The following SAXO1 variants were observed in gnomAD, a reference collection of about 807,000 sequenced individuals.
SAXO1 encodes stabilizer of axonemal microtubules 1, also known as 4930500O09Rik.
SAXO1 carries 21 observed loss-of-function variants against 17.5 expected under a neutral mutation model. That is an observed-to-expected ratio of 1.20 (90% CI 0.85 to 1.72). The LOEUF is 1.72. Among genes scored for constraint, SAXO1 ranks in the 40% most tolerant of loss-of-function variants. The pLI, the probability that SAXO1 is intolerant of heterozygous loss-of-function variation, is 0.00. For missense variants in SAXO1, 843 were observed against 596.0 expected (o/e 1.41, Z -4.32); for synonymous variants, 274 against 216.5 (o/e 1.27, Z -2.33).
In SAXO1 at chr9:18,928,225, C is replaced by A. The variant is rs1588387218; in HGVS notation, c.1252G>T (p.Gly418Cys). 1 of 1,614,078 alleles carries A rather than the reference C, an allele frequency of 6.2e-7. No homozygotes were observed. Among genetic ancestry groups the A allele is most frequent in the Admixed American group, 1.7e-5 (1 of 60,020 alleles). ...YTISFTPKEM[G>C]RCLASYPEPP... The stretch of plus-strand genomic sequence containing the variant: ...TCAGGATATGAAGCTAGGCACCTGC[C>A]CATTTCCTTGGGAGTAAAGCTGATG... The change falls in exon 4 of 4, where the codon GGC becomes TGC. Residue 418 changes from glycine (G) to cysteine (C), a missense_variant. Transcript: ENST00000380534.
intron 3 of SAXO1, among the ~76,000 whole-genome samples, chr9:18,929,848 C>A (rs752586159): frequency 6.6e-6 from 1 of 152,204 alleles, no homozygotes; most frequent in East Asian, 1.9e-4. Flanking sequence ...CCAGAGCCCA[C>A]GATCTGACCC....
At chr9:18,984,482 A>T (rs1287870610) in intron 1 of SAXO1, among the ~76,000 whole-genome samples, 3 of 152,200 alleles carry the variant, frequency 2.0e-5, no homozygotes, top group African/African-American at 7.2e-5. Context: ...TCTTAGCTAG[A>T]TTTTCCGGAT....
chr9:19,015,356 G>T (rs528487823), intron 1 of SAXO1, among the ~76,000 whole-genome samples: 124 of 151,898 alleles, frequency 8.2e-4, no homozygotes, highest in Non-Finnish European at 1.5e-3. Flanking sequence ...GTTATTTTTT[G>T]TTTTTGAGAC....
chr9:19,026,668 G>A (rs1835484887), intron 1 of SAXO1, among the ~76,000 whole-genome samples: 2 of 152,164 alleles, frequency 1.3e-5, no homozygotes, highest in African/African-American at 4.8e-5. Flanking sequence ...CCCACAGTAA[G>A]ATAATAATAT....
intron 1 of SAXO1, among the ~76,000 whole-genome samples, chr9:18,956,730 T>C (rs146409636): frequency 1.3e-5 from 2 of 152,332 alleles, no homozygotes; most frequent in Non-Finnish European, 2.9e-5. Context: ...GTACTGGAAT[T>C]CAAATGCCTA....
intron 1 of SAXO1, among the ~76,000 whole-genome samples, chr9:19,020,465 C>T (rs1480064533): frequency 2.0e-5 from 3 of 152,106 alleles, no homozygotes; most frequent in Non-Finnish European, 4.4e-5. Context: ...CATCCTCCCA[C>T]CTCAGCATCC....
At chr9:18,998,240 C>T (rs992462980) in intron 1 of SAXO1, among the ~76,000 whole-genome samples, 4 of 152,040 alleles carry the variant, frequency 2.6e-5, no homozygotes, top group Non-Finnish European at 4.4e-5. Context: ...GAATGGCTAA[C>T]TAGAATAACC....
chr9:18,992,170 G>C (rs1451482738), intron 1 of SAXO1, among the ~76,000 whole-genome samples: 2 of 152,184 alleles, frequency 1.3e-5, no homozygotes, highest in African/African-American at 4.8e-5. Flanking sequence ...TCCTGGGGCT[G>C]CCATAACAAA....
intron 1 of SAXO1, among the ~76,000 whole-genome samples, chr9:18,982,903 G>A (rs2131823958): frequency 6.6e-6 from 1 of 152,280 alleles, no homozygotes; most frequent in South Asian, 2.1e-4. Context: ...AAGTATTTAT[G>A]CTACAAGGTA....
intron 1 of SAXO1, among the ~76,000 whole-genome samples, chr9:19,046,320 A>G (rs1301432821): frequency 6.6e-6 from 1 of 152,164 alleles, no homozygotes; most frequent in Non-Finnish European, 1.5e-5. Flanking sequence ...AGAGTTGGAA[A>G]ATTAGGATGA....
At chr9:18,933,994 C>T (rs1304824927) in intron 3 of SAXO1, among the ~76,000 whole-genome samples, 3 of 152,082 alleles carry the variant, frequency 2.0e-5, no homozygotes, top group African/African-American at 7.2e-5. Context: ...TGCAGTGAGC[C>T]GAGATTGCAG....
chr9:18,932,669 C>G (rs1262901349), intron 3 of SAXO1, among the ~76,000 whole-genome samples: 2 of 152,194 alleles, frequency 1.3e-5, no homozygotes, highest in Admixed American at 6.5e-5. Flanking sequence ...TCCATGAACA[C>G]AGAATGTCCA....
At chr9:18,959,968 G>C (rs117744604) in intron 1 of SAXO1, among the ~76,000 whole-genome samples, 4,623 of 152,196 alleles carry the variant, frequency 0.03, 97 homozygotes, top group Non-Finnish European at 0.048. Flanking sequence ...AGATGCTGAT[G>C]AGAGAAGCCC....
intron 1 of SAXO1, among the ~76,000 whole-genome samples, chr9:18,961,332 G>C (rs540905320): frequency 6.6e-6 from 1 of 151,670 alleles, no homozygotes; most frequent in Middle Eastern, 3.2e-3. Context: ...CACCACGCCT[G>C]GCTAATTGTT....
chr9:19,031,285 G>A (rs1158077584), intron 1 of SAXO1, among the ~76,000 whole-genome samples: 2 of 152,224 alleles, frequency 1.3e-5, no homozygotes, highest in African/African-American at 2.4e-5. Flanking sequence ...TAGAAAGAAG[G>A]CCTTAGTGGC....
At chr9:19,043,927 C>T (rs1403431002) in intron 1 of SAXO1, among the ~76,000 whole-genome samples, 1 of 151,936 alleles carries the variant, frequency 6.6e-6, no homozygotes, top group Non-Finnish European at 1.5e-5. Context: ...GGCGGATCAC[C>T]TGAGATCGGG....
intron 1 of SAXO1, among the ~76,000 whole-genome samples, chr9:19,038,728 C>T (rs1004802238): frequency 6.6e-6 from 1 of 150,834 alleles, no homozygotes; most frequent in Non-Finnish European, 1.5e-5. Flanking sequence ...GCACATTGTG[C>T]ACATGTACCC....
At position 19,027,745 on chromosome 9, in the gene SAXO1, A is replaced by T. The variant is rs1390344379; in HGVS notation, c.38+5126T>A. On this transcript the variant is annotated intron_variant, in intron 1 of 3. Transcript: ENST00000380534. The stretch of plus-strand genomic sequence containing the variant: ...TTGACAGCGAGAAGTCCGGGGACCG[A>T]GAGGTGCAGAGGACGATGCTGGAGC... The T allele has an allele frequency of 3.4e-6, 5 of 1,473,422 alleles. No individual in the cohort carries two copies. The East Asian group carries it at 1.2e-4, about 35-fold the overall frequency. The allele number at this position is 1,473,422 out of a possible 1,614,324, so 91.3% of individuals were successfully genotyped here. A position where few individuals can be genotyped will look rare whatever the true frequency, so the allele number is the denominator to read the frequency against.
chr9:18,943,803 G>A (rs149518073), intron 2 of SAXO1, among the ~76,000 whole-genome samples: 6 of 152,286 alleles, frequency 3.9e-5, no homozygotes, highest in Non-Finnish European at 2.9e-5. Context: ...CTGAGCTGCC[G>A]TGCTGAGCCC....
Sources: gnomAD v4.1 joint callset for allele counts (sites outside exome capture counted in the v4.1 genomes callset) on GRCh38, gnomAD v4.1.1 for gene constraint, MANE v1.5 for transcripts, NCBI Gene and HGNC (gene_info 2026-07-23, HGNC 2026-07-21) for gene names.